Variants in FSHR observed in about 807,000 individuals in gnomAD.
The protein encoded by FSHR is follicle-stimulating hormone receptor.
A neutral mutation model predicts 52.1 loss-of-function variants in FSHR; 46 were observed. That is an observed-to-expected ratio of 0.88 (90% CI 0.70 to 1.13). FSHR has a LOEUF of 1.13. Among genes scored for constraint, FSHR ranks in the 50% most tolerant of loss-of-function variants. The pLI, the probability that FSHR is intolerant of heterozygous loss-of-function variation, is 0.00. For synonymous variants in FSHR, 399 were observed against 309.6 expected (o/e 1.29, Z -3.03); for missense variants, 964 against 834.6 (o/e 1.16, Z -1.91).
rs76689507 is a variant in FSHR at position 48,971,395 on chromosome 2, T to C, written c.669-2512A>G. 6.9e-3 allele frequency among the ~76,000 whole-genome samples: 1,044 copies of C among 152,314 alleles called. 23 individuals are homozygous for C. The highest frequency in any genetic ancestry group is 0.029 in the East Asian group (150 of 5,180). ...TCTCGTTGAACAGATCCTTGGAGGATCCAGCTTCTACCAGTTGCCCCAGTT... is the reference window on the plus strand; with the variant it reads ...TCTCGTTGAACAGATCCTTGGAGGACCCAGCTTCTACCAGTTGCCCCAGTT... On this transcript the variant is annotated intron_variant, in intron 8 of 9. Coordinates refer to ENST00000406846, the MANE Select transcript of FSHR (RefSeq NM_000145.4).
rs559780731 is a variant in FSHR, at chr2:49,053,885, T to C, written c.224+14334A>G. 6.6e-5 allele frequency among the ~76,000 whole-genome samples: 10 copies of C among 152,286 alleles called. No individual in the cohort carries two copies. The South Asian group carries it at 1.9e-3, about 28-fold the overall frequency. On this transcript the variant is annotated intron_variant, in intron 2 of 9. Coordinates refer to ENST00000406846, the MANE Select transcript of FSHR (RefSeq NM_000145.4). The stretch of plus-strand genomic sequence containing the variant: ...TTGTTTCAGATACTGAGATTGAGTA[T>C]TAAGGGCCTTGACAACTCTATGACA...
intron 2 of FSHR, among the ~76,000 whole-genome samples, chr2:49,058,919 C>G (rs1375115061): frequency 6.6e-6 from 1 of 152,124 alleles, no homozygotes; most frequent in Non-Finnish European, 1.5e-5. Flanking sequence ...ATCAAAATAC[C>G]AATGCAGTTC....
At position 49,017,561 on chromosome 2, in the gene FSHR, C is replaced by G; in HGVS notation, c.302G>C (p.Arg101Thr). Residue 101 changes from arginine to threonine, a missense_variant and splice_region_variant, in exon 4 of 10, where the codon AGA (arginine) becomes ACA (threonine). Coordinates refer to ENST00000406846, the MANE Select transcript of FSHR (RefSeq NM_000145.4). ...FSNLPKLHEI[R>T]IEKANNLLYI... ...GAGCAGGTTGTTGGCCTTTTCAATT[C>G]TACTGTAAAAGAAGAAAAAACATGC... is the stretch of plus-strand genomic sequence containing the variant. The G allele has an allele frequency of 6.2e-7, 1 of 1,612,278 alleles. No individual in the cohort carries two copies. Among genetic ancestry groups the G allele is most frequent in the Non-Finnish European group, 8.5e-7 (1 of 1,178,654 alleles).
chr2:49,093,136 T>C (rs1670676474), intron 1 of FSHR, among the ~76,000 whole-genome samples: 1 of 152,078 alleles, frequency 6.6e-6, no homozygotes, highest in African/African-American at 2.4e-5. Context: ...TCCTCTGTTT[T>C]ACTATTTCTG....
chr2:49,031,774 G>A (rs1329712497), intron 2 of FSHR, among the ~76,000 whole-genome samples: 12 of 152,192 alleles, frequency 7.9e-5, no homozygotes, highest in Admixed American at 6.5e-4. Context: ...TCTGAGCCTC[G>A]GTTTTCTCAT....
intron 2 of FSHR, among the ~76,000 whole-genome samples, chr2:49,031,197 G>T (rs540379667): frequency 6.6e-6 from 1 of 152,116 alleles, no homozygotes; most frequent in East Asian, 1.9e-4. Context: ...GGCTCTGTGC[G>T]GAGGGAGAAG....
intron 2 of FSHR, among the ~76,000 whole-genome samples, chr2:49,043,398 A>G (rs1335473628): frequency 1.3e-5 from 2 of 152,210 alleles, no homozygotes; most frequent in African/African-American, 4.8e-5. Flanking sequence ...AGAATTTTAC[A>G]TGTACCCTGA....
chr2:48,973,720 A>G (rs1674850070), intron 8 of FSHR, among the ~76,000 whole-genome samples: 1 of 152,252 alleles, frequency 6.6e-6, no homozygotes, highest in African/African-American at 2.4e-5. Context: ...GTGAGTACCC[A>G]GAAACTTATT....
chr2:49,112,573 G>C (rs1219444510), intron 1 of FSHR, among the ~76,000 whole-genome samples: 2 of 152,154 alleles, frequency 1.3e-5, no homozygotes, highest in African/African-American at 2.4e-5. Context: ...TGCATTGATA[G>C]GTAGAGAAAC....
chr2:49,018,250 A>G (rs894299164), intron 3 of FSHR, among the ~76,000 whole-genome samples: 16 of 152,082 alleles, frequency 1.1e-4, no homozygotes, highest in African/African-American at 3.6e-4. Flanking sequence ...CTTCTGCCCT[A>G]TTTTGGCTTG....
chr2:49,077,254 T>C (rs1330412639), intron 1 of FSHR, among the ~76,000 whole-genome samples: 1 of 152,236 alleles, frequency 6.6e-6, no homozygotes, highest in Non-Finnish European at 1.5e-5. Context: ...TTGACTTTTG[T>C]GTATCTTGAC....
intron 4 of FSHR, among the ~76,000 whole-genome samples, chr2:49,007,219 A>G (rs1667104015): frequency 6.6e-6 from 1 of 152,096 alleles, no homozygotes; most frequent in Non-Finnish European, 1.5e-5. Context: ...AAGCACGAAA[A>G]GTATAAGAAT....
chr2:49,025,598 A>G (rs1253455753), intron 2 of FSHR, among the ~76,000 whole-genome samples: 1 of 152,130 alleles, frequency 6.6e-6, no homozygotes, highest in Non-Finnish European at 1.5e-5. Context: ...TCCCATGAAA[A>G]TATGTTCCAG....
chr2:48,990,536 A>T (rs376735786), intron 5 of FSHR, 30 bp downstream of exon 5: 37 of 1,399,386 alleles, frequency 2.6e-5, no homozygotes, highest in Non-Finnish European at 2.0e-5. Context: ...CTGAGTAAAG[A>T]GTTGGTAGTC....
intron 8 of FSHR, among the ~76,000 whole-genome samples, chr2:48,979,599 C>T (rs1030859555): frequency 1.3e-5 from 2 of 152,142 alleles, no homozygotes; most frequent in African/African-American, 2.4e-5. Flanking sequence ...ACAGCCTGCA[C>T]CCAATAATTC....
chr2:48,998,748 T>C (rs1676132940), intron 4 of FSHR, among the ~76,000 whole-genome samples: 1 of 151,584 alleles, frequency 6.6e-6, no homozygotes, highest in African/African-American at 2.4e-5. Flanking sequence ...AATATTACAA[T>C]GACCTCTTAA....
intron 4 of FSHR, among the ~76,000 whole-genome samples, chr2:49,011,792 C>G (rs748678718): frequency 4.6e-5 from 7 of 152,086 alleles, no homozygotes; most frequent in Non-Finnish European, 8.8e-5. Context: ...CTACTCTGAG[C>G]TGCCTCTTGA....
chr2:49,031,867 A>G (rs1001057925), intron 2 of FSHR, among the ~76,000 whole-genome samples: 3 of 152,188 alleles, frequency 2.0e-5, no homozygotes, highest in Admixed American at 1.3e-4. Flanking sequence ...AAGTATCTGA[A>G]GCTTAGTAAG....
At chr2:49,036,714 AATTTATTG>A (rs2104270081) in intron 2 of FSHR, among the ~76,000 whole-genome samples, 1 of 152,188 alleles carries the variant, frequency 6.6e-6, no homozygotes, top group Non-Finnish European at 1.5e-5. Context: ...GTCTTTTACT[AATTTATTG>A]GTTACCTCTC....
Sources: allele counts gnomAD v4.1 joint callset (sites outside exome capture counted in the v4.1 genomes callset), GRCh38; gene constraint gnomAD v4.1.1; transcripts MANE v1.5; gene names NCBI Gene and HGNC (gene_info 2026-07-23, HGNC 2026-07-21).